CCSER1: variants seen among roughly 807,000 people sequenced by gnomAD.
CCSER1 encodes coiled-coil serine rich protein 1, also known as serine-rich coiled-coil domain-containing protein 1.
CCSER1 carries 41 observed loss-of-function variants against 82.0 expected under a neutral mutation model. The ratio of observed to expected loss-of-function variants is 0.50; its 90% confidence interval spans 0.39 to 0.65. The LOEUF is 0.65. Ranked by LOEUF, CCSER1 falls within the 30% of genes least tolerant of loss-of-function variation. CCSER1 has a pLI of 0.00. For missense variants in CCSER1, 1,119 were observed against 1,064.2 expected (o/e 1.05, Z -0.72); for synonymous variants, 414 against 383.9 (o/e 1.08, Z -0.92).
intron 10 of CCSER1, among the ~76,000 whole-genome samples, chr4:91,577,240 T>G (rs1202920965): frequency 2.0e-5 from 3 of 151,962 alleles, no homozygotes; most frequent in Non-Finnish European, 2.9e-5. Flanking sequence ...CTTGTGAGAC[T>G]CTGGTTATTG....
At chr4:90,200,145 C>A (rs1295094131) in intron 1 of CCSER1, among the ~76,000 whole-genome samples, 1 of 151,564 alleles carries the variant, frequency 6.6e-6, no homozygotes, top group Non-Finnish European at 1.5e-5. Flanking sequence ...TAATTAGTAG[C>A]ACCCAGTTCC....
intron 6 of CCSER1, among the ~76,000 whole-genome samples, chr4:90,630,659 G>A (rs562840151): frequency 2.0e-5 from 3 of 152,050 alleles, no homozygotes; most frequent in Admixed American, 2.0e-4. Flanking sequence ...GTTCTACTAA[G>A]AAGATATTCA....
intron 9 of CCSER1, among the ~76,000 whole-genome samples, chr4:91,028,635 G>A (rs1298440478): frequency 6.6e-6 from 1 of 151,760 alleles, no homozygotes; most frequent in Non-Finnish European, 1.5e-5. Flanking sequence ...GTCAAATAAT[G>A]CTCCACTAAT....
At chr4:90,164,976 C>A (rs1730186265) in intron 1 of CCSER1, among the ~76,000 whole-genome samples, 1 of 151,948 alleles carries the variant, frequency 6.6e-6, no homozygotes. Context: ...GTGGTTTTTA[C>A]CAAATCAAAA....
At chr4:91,232,513 C>T (rs533657811) in intron 10 of CCSER1, among the ~76,000 whole-genome samples, 13 of 151,680 alleles carry the variant, frequency 8.6e-5, no homozygotes, top group East Asian at 7.7e-4. Context: ...AGTAAACAAA[C>T]GGAAATACAA....
intron 10 of CCSER1, among the ~76,000 whole-genome samples, chr4:91,546,062 C>T (rs904203158): frequency 6.6e-6 from 1 of 151,394 alleles, no homozygotes; most frequent in African/African-American, 2.4e-5. Context: ...TATTCTTTTG[C>T]CTGCTGGTAT....
intron 5 of CCSER1, among the ~76,000 whole-genome samples, chr4:90,562,762 T>A (rs558223820): frequency 1.5e-4 from 23 of 151,412 alleles, no homozygotes; most frequent in African/African-American, 5.6e-4. Context: ...CGTCTCAAAC[T>A]CTTGGACTCA....
At chr4:90,637,610 T>G (rs1434550516) in intron 6 of CCSER1, among the ~76,000 whole-genome samples, 2 of 152,104 alleles carry the variant, frequency 1.3e-5, no homozygotes, top group Non-Finnish European at 2.9e-5. Context: ...CAATTCAAAG[T>G]GCAGAATCTC....
At chr4:91,434,567 T>C (rs1454488908) in intron 10 of CCSER1, among the ~76,000 whole-genome samples, 1 of 152,192 alleles carries the variant, frequency 6.6e-6, no homozygotes, top group Non-Finnish European at 1.5e-5. Context: ...TAATTTTTTG[T>C]TTGTTTTTCA....
intron 10 of CCSER1, among the ~76,000 whole-genome samples, chr4:91,544,909 G>T (rs542226341): frequency 6.6e-6 from 1 of 152,176 alleles, no homozygotes; most frequent in Non-Finnish European, 1.5e-5. Flanking sequence ...CCCAGAGTTG[G>T]AGTCTACAGA....
At chr4:91,595,566 A>C (rs1764526029) in intron 10 of CCSER1, among the ~76,000 whole-genome samples, 1 of 152,092 alleles carries the variant, frequency 6.6e-6, no homozygotes, top group Admixed American at 6.6e-5. Context: ...CATTCCAGGT[A>C]ATTAGGCATT....
intron 10 of CCSER1, among the ~76,000 whole-genome samples, chr4:91,134,239 T>C (rs559787838): frequency 1.5e-4 from 23 of 151,998 alleles, no homozygotes; most frequent in African/African-American, 5.5e-4. Flanking sequence ...CAAAAGAAAT[T>C]TAAAAAGATT....
At chr4:90,362,691 G>C (rs1745575759) in intron 3 of CCSER1, among the ~76,000 whole-genome samples, 1 of 152,090 alleles carries the variant, frequency 6.6e-6, no homozygotes, top group African/African-American at 2.4e-5. Context: ...ATTCTGCAGA[G>C]AGGCTACCAT....
rs1005975484 is a variant in CCSER1, at chr4:91,601,453, G to A, written c.*2396G>A. 3.3e-5 allele frequency: 5 copies of A among 151,900 alleles called. No homozygotes were observed. Among genetic ancestry groups the A allele is most frequent in the African/African-American group, 1.2e-4 (5 of 41,404 alleles). 9.4% of individuals were successfully genotyped at this position (151,900 alleles called of 1,614,324 possible). On this transcript the variant is annotated 3_prime_UTR_variant, in exon 11 of 11. Coordinates refer to ENST00000509176, the MANE Select transcript of CCSER1 (RefSeq NM_001145065.2). ...TAACTCAGGCCTGGAGAAGGTGTAA[G>A]CCCACTATGCTAATGTACATCAGTA...
chr4:91,141,524 A>T (rs1476052185), intron 10 of CCSER1, among the ~76,000 whole-genome samples: 1 of 152,004 alleles, frequency 6.6e-6, no homozygotes, highest in African/African-American at 2.4e-5. Flanking sequence ...TATCCAATCC[A>T]CTACTGATGA....
intron 10 of CCSER1, among the ~76,000 whole-genome samples, chr4:91,095,903 G>A (rs924411747): frequency 6.6e-6 from 1 of 152,116 alleles, no homozygotes; most frequent in Admixed American, 6.5e-5. Flanking sequence ...CTGGGACATG[G>A]TCCTCTAGCC....
At chr4:91,481,279 T>C in intron 10 of CCSER1, among the ~76,000 whole-genome samples, 1 of 152,036 alleles carries the variant, frequency 6.6e-6, no homozygotes, top group East Asian at 1.9e-4. Context: ...AGATTATAAG[T>C]CCAAGATCAA....
At chr4:90,230,985 T>A (rs1367821289) in intron 1 of CCSER1, among the ~76,000 whole-genome samples, 2 of 152,040 alleles carry the variant, frequency 1.3e-5, no homozygotes, top group Admixed American at 1.3e-4. Flanking sequence ...AAACAATACC[T>A]TACCAACCAA....
chr4:91,369,044 C>T (rs1347023068), intron 10 of CCSER1, among the ~76,000 whole-genome samples: 1 of 152,190 alleles, frequency 6.6e-6, no homozygotes, highest in Non-Finnish European at 1.5e-5. Flanking sequence ...TCACACTCAT[C>T]ATGAAGTGAC....
Sources: gnomAD v4.1 joint callset for allele counts (sites outside exome capture counted in the v4.1 genomes callset) on GRCh38, gnomAD v4.1.1 for gene constraint, MANE v1.5 for transcripts, NCBI Gene and HGNC (gene_info 2026-07-23, HGNC 2026-07-21) for gene names.